ONECUT3: variants seen among roughly 807,000 people sequenced by gnomAD.
ONECUT3 encodes one cut homeobox 3.
ONECUT3 carries 11 observed loss-of-function variants against 16.8 expected under a neutral mutation model. That is an observed-to-expected ratio of 0.66 (90% CI 0.41 to 1.09). The LOEUF (loss-of-function observed/expected upper bound fraction) is 1.09, where lower values mean the gene tolerates loss of function less well. Among genes scored for constraint, ONECUT3 ranks in the 50% least tolerant of loss-of-function variants. The pLI, the probability that ONECUT3 is intolerant of heterozygous loss-of-function variation, is 0.00. For synonymous variants in ONECUT3, 344 were observed against 310.7 expected, an observed-to-expected ratio of 1.11 and a Z score of -1.13; for missense variants, 637 against 629.9, an observed-to-expected ratio of 1.01 and a Z score of -0.12.
rs1228558970 is a variant in ONECUT3 at position 1,778,285 on chromosome 19, T to C, written c.*2840T>C. 6.6e-6 allele frequency: 1 copy of C among 152,012 alleles called. No homozygotes were observed. The highest frequency in any genetic ancestry group is 1.5e-5 in the Non-Finnish European group (1 of 68,022). The allele number at this position is 152,012 out of a possible 1,614,324, so 9.4% of individuals were successfully genotyped here. On this transcript the variant is annotated 3_prime_UTR_variant, in exon 2 of 2. Coordinates refer to ENST00000382349, the MANE Select transcript of ONECUT3 (RefSeq NM_001080488.2). ...ATTTAATTTTTTAAGGGATTTCTTGTAGATATGGGGTCTCACTATGCTGCC... is the reference window on the plus strand; with the variant it reads ...ATTTAATTTTTTAAGGGATTTCTTGCAGATATGGGGTCTCACTATGCTGCC...
At position 1,775,479 on chromosome 19, in the gene ONECUT3, G is replaced by A. The variant is rs988227883; in HGVS notation, c.*34G>A. 25 of 1,429,090 alleles carry A rather than the reference G, an allele frequency of 1.7e-5. No individual in the cohort carries two copies. Among genetic ancestry groups the A allele is most frequent in the Non-Finnish European group, 2.3e-5 (25 of 1,099,752 alleles). 88.5% of individuals were successfully genotyped at this position (1,429,090 alleles called of 1,614,324 possible). On this transcript the variant is annotated 3_prime_UTR_variant, in exon 2 of 2. Transcript: ENST00000382349. ...GGCCCCGCGCCCTCCCTGCCTCCAC[G>A]GCCTGGGCGCTGTGCCCCCACGTCA...
Position 1,780,856 on chromosome 19 carries a change from A to T in ONECUT3, c.*5411A>T, listed in dbSNP as rs1477766158. ...GCCTTGAGTGTTTTGAATAGACTGGAACTGAGGGCTGCTTTCAGGGGAGAC... is the reference window on the plus strand; with the variant it reads ...GCCTTGAGTGTTTTGAATAGACTGGTACTGAGGGCTGCTTTCAGGGGAGAC... On this transcript the variant is annotated 3_prime_UTR_variant, in exon 2 of 2. Coordinates refer to ENST00000382349, the MANE Select transcript of ONECUT3 (RefSeq NM_001080488.2). 6.6e-6 allele frequency: 1 copy of T among 151,694 alleles called. No homozygotes were observed. The highest frequency in any genetic ancestry group is 1.5e-5 in the Non-Finnish European group (1 of 67,964). 9.4% of individuals were successfully genotyped at this position (151,694 alleles called of 1,614,324 possible).
At chr19:1,757,542 C>T (rs965458533) in intron 1 of ONECUT3, among the ~76,000 whole-genome samples, 1 of 152,148 alleles carries the variant, frequency 6.6e-6, no homozygotes, top group Non-Finnish European at 1.5e-5. Flanking sequence ...CTGCTCTCTG[C>T]CGGGTCCGCT....
At chr19:1,757,737 C>T (rs989348444) in intron 1 of ONECUT3, among the ~76,000 whole-genome samples, 6 of 152,218 alleles carry the variant, frequency 3.9e-5, no homozygotes, top group African/African-American at 7.2e-5. Context: ...CCTTTAGTTC[C>T]GGTCGCTGCG....
chr19:1,753,775 TG>T lies in ONECUT3; in HGVS notation c.115del (p.Val39TrpfsTer126). ...TCGGCGGCGGCGCAGCACCGCGGCC[TG>T]GTGGCGCCCGGGCGCCCGGGCCTGG... ...ARSAAAQHRG[L>X]VAPGRPGLVA... On this transcript the variant is annotated frameshift_variant, in exon 1 of 2. Transcript: ENST00000382349. LOFTEE classifies it high-confidence loss of function. 4.1e-6 allele frequency: 4 copies of T among 973,172 alleles called. No homozygotes were observed. Among genetic ancestry groups the T allele is most frequent in the Non-Finnish European group, 4.9e-6 (4 of 822,114 alleles). 60.3% of individuals were successfully genotyped at this position (973,172 alleles called of 1,614,324 possible). A position where few individuals can be genotyped will look rare whatever the true frequency, so the allele number is the denominator to read the frequency against.
chr19:1,760,420 G>A (rs1006473068), intron 1 of ONECUT3, among the ~76,000 whole-genome samples: 3 of 151,680 alleles, frequency 2.0e-5, no homozygotes, highest in African/African-American at 7.3e-5. Flanking sequence ...AGAAGGGACC[G>A]GCGGGGGGGC....
intron 1 of ONECUT3, among the ~76,000 whole-genome samples, chr19:1,770,169 G>T (rs2068041070): frequency 6.6e-6 from 1 of 152,208 alleles, no homozygotes; most frequent in Non-Finnish European, 1.5e-5. Flanking sequence ...GAAGCTAGAG[G>T]ATTGCTTGAA....
At chr19:1,767,677 C>T (rs1045001539) in intron 1 of ONECUT3, among the ~76,000 whole-genome samples, 1 of 152,214 alleles carries the variant, frequency 6.6e-6, no homozygotes, top group African/African-American at 2.4e-5. Flanking sequence ...GCGGCCACAT[C>T]CCCGGGACCT....
intron 1 of ONECUT3, among the ~76,000 whole-genome samples, chr19:1,768,908 G>A (rs201883659): frequency 9.5e-5 from 11 of 115,522 alleles, no homozygotes; most frequent in Non-Finnish European, 1.4e-4. Flanking sequence ...GGAGGTGGTG[G>A]AGGTGGAGGT....
At chr19:1,756,232 G>T (rs1290764141) in intron 1 of ONECUT3, among the ~76,000 whole-genome samples, 2 of 152,210 alleles carry the variant, frequency 1.3e-5, no homozygotes, top group East Asian at 3.8e-4. Flanking sequence ...CCACAGGCCG[G>T]CCTCAGTTTC....
chr19:1,756,695 A>ATTTTTTTTT (rs58105449), intron 1 of ONECUT3, among the ~76,000 whole-genome samples: 897 of 101,126 alleles, frequency 8.9e-3, no homozygotes, highest in East Asian at 0.011. Flanking sequence ...ACGCCTGGCT[A>ATTTTTTTTT]TTTTTTTTTT....
At chr19:1,771,124 A>T (rs920719701) in intron 1 of ONECUT3, among the ~76,000 whole-genome samples, 2 of 152,134 alleles carry the variant, frequency 1.3e-5, no homozygotes, top group Admixed American at 6.5e-5. Context: ...ACGCTCCCCA[A>T]CAAAATTTAA....
In ONECUT3 at chr19:1,764,497, G is replaced by A. The variant is rs1180522976; in HGVS notation, c.1192+9643G>A. 2.0e-5 allele frequency among the ~76,000 whole-genome samples: 3 copies of A among 152,142 alleles called. No individual in the cohort carries two copies. Among genetic ancestry groups the A allele is most frequent in the Admixed American group, 2.0e-4 (3 of 15,276 alleles). On this transcript the variant is annotated intron_variant, in intron 1 of 1. Transcript: ENST00000382349. This position sits in a 1 kb window ranked among gnomAD's most constrained non-coding sequence, Gnocchi z 5.0. ...CTGCTGAGGCCAAGGTGGGCTCCGCGTGAGATGTGGGCAGGGCAGGCATGG... is the reference window on the plus strand; with the variant it reads ...CTGCTGAGGCCAAGGTGGGCTCCGCATGAGATGTGGGCAGGGCAGGCATGG...
chr19:1,775,354 C>A lies in ONECUT3; in HGVS notation c.1394C>A (p.Ala465Glu). The A allele has an allele frequency of 1.3e-6, 2 of 1,508,370 alleles. No individual in the cohort carries two copies. The highest frequency in any genetic ancestry group is 8.9e-7 in the Non-Finnish European group (1 of 1,122,058). The allele number at this position is 1,508,370 out of a possible 1,614,324, so 93.4% of individuals were successfully genotyped here. ...LNTVSNFFMN[A>E]RRRCMNRWAE... The stretch of plus-strand genomic sequence containing the variant: ...ACCGTCAGCAACTTCTTCATGAACG[C>A]GCGGCGCCGCTGCATGAACCGCTGG... The change falls in exon 2 of 2, where the codon GCG becomes GAG. Residue 465 changes from alanine to glutamate, a missense_variant. Physicochemically the swap from Ala to Glu is moderately radical, Grantham distance 107. Around this residue, in one of 3 missense-constraint regions of ONECUT3, gnomAD observed 183 missense variants for 188.3 expected, o/e 0.97. Transcript: ENST00000382349.
chr19:1,753,581 G>C lies in ONECUT3; in HGVS notation c.-82G>C. On this transcript the variant is annotated 5_prime_UTR_variant, in exon 1 of 2. Transcript: ENST00000382349. ...CTGGCAGCCTCGCGCGCAGCCACCGGGGAGCGGGCGGGAGTCATGCAGCGG... is the reference window on the plus strand; with the variant it reads ...CTGGCAGCCTCGCGCGCAGCCACCGCGGAGCGGGCGGGAGTCATGCAGCGG... 1 of 443,982 alleles carries C rather than the reference G, an allele frequency of 2.3e-6. No homozygotes were observed. 27.5% of individuals were successfully genotyped at this position (443,982 alleles called of 1,614,324 possible). A position where few individuals can be genotyped will look rare whatever the true frequency, so the allele number is the denominator to read the frequency against.
At position 1,766,147 on chromosome 19, in the gene ONECUT3, G is replaced by A. The variant is rs1420751630; in HGVS notation, c.1193-9006G>A. Reference sequence around the variant, plus strand: ...TGGGGTTTGGATGTGCAAGGCTGCCGACCCCCATCGTGGTTGAGCGCCCGT... The same window carrying A: ...TGGGGTTTGGATGTGCAAGGCTGCCAACCCCCATCGTGGTTGAGCGCCCGT... On this transcript the variant is annotated intron_variant, in intron 1 of 1. Coordinates refer to ENST00000382349, the MANE Select transcript of ONECUT3 (RefSeq NM_001080488.2). This position sits in a 1 kb window ranked among gnomAD's most constrained non-coding sequence, Gnocchi z 4.0. Among the ~76,000 whole-genome samples, 2 of 152,226 alleles carry A rather than the reference G, an allele frequency of 1.3e-5. No homozygotes were observed. Among genetic ancestry groups the A allele is most frequent in the Non-Finnish European group, 1.5e-5 (1 of 68,050 alleles).
chr19:1,753,745 C>A lies in ONECUT3; in HGVS notation c.83C>A (p.Ala28Glu), dbSNP rs1754321525. ...QAGELLSPGH[A>E]RSAAAQHRGL... is the part of the protein sequence containing the mutation. ...GGCGAGCTGCTGAGCCCGGGCCACG[C>A]GCGCTCGGCGGCGGCGCAGCACCGC... The change falls in exon 1 of 2, where the codon GCG (alanine) becomes GAG (glutamate). Residue 28 changes from alanine (A) to glutamate (E), a missense_variant. By Grantham distance (107) the Ala-to-Glu change is moderately radical. Coordinates refer to ENST00000382349, the MANE Select transcript of ONECUT3 (RefSeq NM_001080488.2). 2.9e-6 allele frequency: 3 copies of A among 1,017,622 alleles called. No homozygotes were observed. Among genetic ancestry groups the A allele is most frequent in the Admixed American group, 5.9e-5 (1 of 16,924 alleles). 63.0% of individuals were successfully genotyped at this position (1,017,622 alleles called of 1,614,324 possible).
At chr19:1,774,466 A>G (rs1322651460) in intron 1 of ONECUT3, among the ~76,000 whole-genome samples, 1 of 151,714 alleles carries the variant, frequency 6.6e-6, no homozygotes, top group East Asian at 1.9e-4. Flanking sequence ...TTAGCCCACC[A>G]TTTCTGGGGA....
chr19:1,759,564 C>T lies in ONECUT3; in HGVS notation c.1192+4710C>T, dbSNP rs2067935165. ...AGACCCCTGTGCCTTTTGCAAAAAC[C>T]CCACTTTCCACTGCAAGGGGTCCAC... On this transcript the variant is annotated intron_variant, in intron 1 of 1. Transcript: ENST00000382349. The surrounding 1 kb of genome is among the most constrained non-coding windows in gnomAD (Gnocchi z 4.1). 6.6e-6 allele frequency among the ~76,000 whole-genome samples: 1 copy of T among 151,992 alleles called. No homozygotes were observed. Among genetic ancestry groups the T allele is most frequent in the Admixed American group, 6.6e-5 (1 of 15,250 alleles).
Sources: allele counts gnomAD v4.1 joint callset (sites outside exome capture counted in the v4.1 genomes callset), GRCh38; gene constraint gnomAD v4.1.1; regional missense constraint gnomAD v4.1.1; non-coding constraint Gnocchi (gnomAD v3.1); transcripts MANE v1.5; gene names NCBI Gene and HGNC (gene_info 2026-07-23, HGNC 2026-07-21).